The following ULK4 variants were observed in gnomAD, a reference collection of about 807,000 sequenced individuals.
ULK4 encodes the protein unc-51 like kinase 4, also known as inactive serine/threonine-protein kinase ULK4.
Under a neutral mutation model 160.6 loss-of-function variants are expected in ULK4, and 133 were observed. The observed-to-expected ratio is 0.83, with a 90% CI of 0.72 to 0.96. ULK4 has a LOEUF of 0.96. ULK4 is among the 40% of genes least tolerant of loss of function. ULK4 has a pLI of 0.00. For missense variants in ULK4, 1,580 were observed against 1,499.5 expected, an observed-to-expected ratio of 1.05 and a Z score of -0.89; for synonymous variants, 534 against 539.8, an observed-to-expected ratio of 0.99 and a Z score of 0.15.
intron 17 of ULK4, among the ~76,000 whole-genome samples, chr3:41,850,404 T>C (rs2042180861): frequency 6.6e-6 from 1 of 152,098 alleles, no homozygotes; most frequent in African/African-American, 2.4e-5. Context: ...TCCACAATGG[T>C]TGAACTAGTT....
chr3:41,566,159 C>T (rs748543704), intron 31 of ULK4, 29 bp from the exon 32 acceptor site: 2 of 1,566,708 alleles, frequency 1.3e-6, no homozygotes. Context: ...TCCATCATAA[C>T]CATACAGAAA....
intron 18 of ULK4, among the ~76,000 whole-genome samples, chr3:41,834,189 T>C (rs1046606732): frequency 6.6e-6 from 1 of 151,888 alleles, no homozygotes; most frequent in African/African-American, 2.4e-5. Flanking sequence ...GTTGTCCCTT[T>C]GAAATACAAA....
chr3:41,861,820 C>T (rs1353316256), intron 17 of ULK4, among the ~76,000 whole-genome samples: 1 of 151,832 alleles, frequency 6.6e-6, no homozygotes, highest in Non-Finnish European at 1.5e-5. Flanking sequence ...TGTAGGCGTG[C>T]TTCTTGTTTT....
chr3:41,291,910 A>G (rs1425398548), intron 35 of ULK4, among the ~76,000 whole-genome samples: 1 of 150,804 alleles, frequency 6.6e-6, no homozygotes, highest in East Asian at 2.0e-4. Flanking sequence ...GGCTCACTGC[A>G]AGCTCCGCCT....
At chr3:41,267,778 A>AG (rs1415282263) in intron 35 of ULK4, among the ~76,000 whole-genome samples, 1 of 152,178 alleles carries the variant, frequency 6.6e-6, no homozygotes, top group Non-Finnish European at 1.5e-5. Context: ...ACTCTCGTTT[A>AG]CAGATGAGGA....
intron 1 of ULK4, among the ~76,000 whole-genome samples, chr3:41,961,420 A>C (rs2148852507): frequency 6.6e-6 from 1 of 152,222 alleles, no homozygotes; most frequent in African/African-American, 2.4e-5. Context: ...CAAGTCTGCG[A>C]AATGCCAGCC....
intron 32 of ULK4, among the ~76,000 whole-genome samples, chr3:41,558,708 A>G (rs1055881619): frequency 4.0e-5 from 6 of 151,436 alleles, no homozygotes; most frequent in Non-Finnish European, 8.8e-5. Flanking sequence ...CATCTCAAAA[A>G]AAAAAGAAAA....
rs192510004 is a variant in ULK4, at chr3:41,925,234, G to A, written c.542-5416C>T. Among the ~76,000 whole-genome samples, 132 of 152,306 alleles carry A rather than the reference G, an allele frequency of 8.7e-4. 1 individual carries two copies. Among genetic ancestry groups the A allele is most frequent in the African/African-American group, 3.1e-3 (127 of 41,586 alleles). On this transcript the variant is annotated intron_variant, in intron 5 of 36. Coordinates refer to ENST00000301831, the MANE Select transcript of ULK4 (RefSeq NM_017886.4). ...ATCTCACTGGGACTGGTTGGACAGC[G>A]GGTGCAGCCCACAGAGGGCAGGCAG...
chr3:41,447,567 C>T (rs1169487770), intron 34 of ULK4, among the ~76,000 whole-genome samples: 2 of 152,052 alleles, frequency 1.3e-5, no homozygotes, highest in Non-Finnish European at 2.9e-5. Context: ...TAAAGCTAGA[C>T]AAATCTAAAC....
intron 30 of ULK4, among the ~76,000 whole-genome samples, chr3:41,633,579 A>C (rs551222018): frequency 1.3e-5 from 2 of 152,326 alleles, no homozygotes; most frequent in South Asian, 4.1e-4. Context: ...TGTCATTACC[A>C]GATTTATATT....
At chr3:41,519,481 A>C (rs964441166) in intron 32 of ULK4, among the ~76,000 whole-genome samples, 3 of 152,082 alleles carry the variant, frequency 2.0e-5, no homozygotes, top group Non-Finnish European at 4.4e-5. Context: ...ATTAAACTCA[A>C]CCTTCTTCCT....
chr3:41,767,039 T>C (rs921869780), intron 21 of ULK4: 1 of 152,250 alleles, frequency 6.6e-6, no homozygotes, highest in African/African-American at 2.4e-5. Flanking sequence ...ATTTATGTTG[T>C]TTCAATGGTT....
chr3:41,417,362 C>A (rs947120951), intron 34 of ULK4, among the ~76,000 whole-genome samples: 1 of 152,000 alleles, frequency 6.6e-6, no homozygotes, highest in South Asian at 2.1e-4. Flanking sequence ...GAAGCTCAGG[C>A]AAGACAAGGT....
intron 22 of ULK4, among the ~76,000 whole-genome samples, chr3:41,720,490 T>C (rs188604747): frequency 4.1e-4 from 62 of 152,000 alleles, no homozygotes; most frequent in African/African-American, 1.4e-3. Flanking sequence ...AATATTTCCA[T>C]TCCAAATCAC....
chr3:41,402,505 C>T lies in ULK4; in HGVS notation c.3493-4241G>A, dbSNP rs188392759. ...GCTAGCTGTAAATTTTTCATAGATG[C>T]CCTTTATCAGGTTGGGAAGATTCCC... On this transcript the variant is annotated intron_variant, in intron 34 of 36. Transcript: ENST00000301831. 6.0e-3 allele frequency among the ~76,000 whole-genome samples: 911 copies of T among 152,176 alleles called. 7 individuals are homozygous for T. The highest frequency in any genetic ancestry group is 0.021 in the African/African-American group (867 of 41,520).
chr3:41,898,379 T>C, intron 14 of ULK4, 53 bp downstream of exon 14: 2 of 1,086,500 alleles, frequency 1.8e-6, no homozygotes, highest in Non-Finnish European at 2.7e-6. Flanking sequence ...AATTTCATAT[T>C]TGTATCTGTA....
At chr3:41,248,300 T>C (rs1045172638) in intron 36 of ULK4, among the ~76,000 whole-genome samples, 2 of 152,020 alleles carry the variant, frequency 1.3e-5, no homozygotes, top group African/African-American at 2.4e-5. Flanking sequence ...CTCCTCAAAA[T>C]AGTCTTACAG....
At chr3:41,940,029 G>GTT (rs748668534) in intron 2 of ULK4, among the ~76,000 whole-genome samples, 360 of 145,564 alleles carry the variant, frequency 2.5e-3, no homozygotes, top group African/African-American at 8.0e-3. Context: ...AGTTTTTGTT[G>GTT]TTTTTTTTTT....
At chr3:41,416,535 C>T (rs1455208614) in intron 34 of ULK4, among the ~76,000 whole-genome samples, 2 of 152,204 alleles carry the variant, frequency 1.3e-5, no homozygotes, top group Admixed American at 6.5e-5. Flanking sequence ...TCTAGTGGCT[C>T]TTCCCTTTGA....
Sources: gnomAD v4.1 joint callset for allele counts (sites outside exome capture counted in the v4.1 genomes callset) on GRCh38, gnomAD v4.1.1 for gene constraint, MANE v1.5 for transcripts, NCBI Gene and HGNC (gene_info 2026-07-23, HGNC 2026-07-21) for gene names.